The following PAK5 variants were observed in gnomAD, a reference collection of about 807,000 sequenced individuals.
The protein encoded by PAK5 is p21 (RAC1) activated kinase 5.
A neutral mutation model predicts 65.9 loss-of-function variants in PAK5; 16 were observed. The observed-to-expected ratio is 0.24, with a 90% confidence interval of 0.16 to 0.37. PAK5 has a LOEUF of 0.37. Ranked by LOEUF, PAK5 falls within the 10% of genes least tolerant of loss-of-function variation. PAK5 has a pLI of 1.00. For missense variants in PAK5, 785 were observed against 903.9 expected (o/e 0.87, Z 1.69); for synonymous variants, 371 against 354.9 (o/e 1.05, Z -0.51).
At chr20:9,701,898 G>A (rs1430047485) in intron 2 of PAK5, among the ~76,000 whole-genome samples, 1 of 152,030 alleles carries the variant, frequency 6.6e-6, no homozygotes, top group East Asian at 1.9e-4. Flanking sequence ...TACTTGGGAG[G>A]TTGAGATAGG....
chr20:9,712,491 C>T (rs1345147119), intron 1 of PAK5, among the ~76,000 whole-genome samples: 1 of 152,034 alleles, frequency 6.6e-6, no homozygotes, highest in Non-Finnish European at 1.5e-5. Context: ...ATATTAATAA[C>T]ATTCTTTGCA....
At chr20:9,575,915 T>A (rs1416312946) in intron 4 of PAK5, among the ~76,000 whole-genome samples, 1 of 152,148 alleles carries the variant, frequency 6.6e-6, no homozygotes, top group Non-Finnish European at 1.5e-5. Context: ...CTTGGGGAAG[T>A]CCATAAAGAT....
At chr20:9,642,666 G>A (rs1270449721) in intron 3 of PAK5, among the ~76,000 whole-genome samples, 2 of 152,188 alleles carry the variant, frequency 1.3e-5, no homozygotes, top group Non-Finnish European at 2.9e-5. Flanking sequence ...CTCTTAGGGA[G>A]AAAATTATGT....
At chr20:9,580,964 A>T in intron 3 of PAK5, 34 bp from the exon 4 acceptor site, 1 of 1,466,382 alleles carries the variant, frequency 6.8e-7, no homozygotes, top group Non-Finnish European at 9.2e-7. Flanking sequence ...GTTTAAAGAA[A>T]ATATTTCATG....
At chr20:9,788,945 T>G (rs2049021517) in intron 1 of PAK5, among the ~76,000 whole-genome samples, 1 of 152,176 alleles carries the variant, frequency 6.6e-6, no homozygotes, top group Admixed American at 6.6e-5. Flanking sequence ...ACTAAGGCTA[T>G]GCAGGTGAAT....
intron 2 of PAK5, among the ~76,000 whole-genome samples, chr20:9,678,229 CA>C (rs2047601696): frequency 6.6e-6 from 1 of 152,138 alleles, no homozygotes; most frequent in African/African-American, 2.4e-5. Context: ...TTAGAGAGAA[CA>C]AGCTTGAAGA....
chr20:9,572,270 T>C (rs1488067881), intron 4 of PAK5, among the ~76,000 whole-genome samples: 1 of 152,194 alleles, frequency 6.6e-6, no homozygotes, highest in African/African-American at 2.4e-5. Flanking sequence ...AGGAAGAAAG[T>C]GCAAACTTTC....
chr20:9,625,689 C>T (rs1336779340), intron 3 of PAK5, among the ~76,000 whole-genome samples: 3 of 152,206 alleles, frequency 2.0e-5, no homozygotes, highest in Admixed American at 2.0e-4. Context: ...AATGATCCTC[C>T]TGCCTCAGAC....
intron 4 of PAK5, among the ~76,000 whole-genome samples, chr20:9,568,725 G>A (rs1302237044): frequency 3.7e-4 from 56 of 152,190 alleles, no homozygotes; most frequent in Admixed American, 3.6e-3. Context: ...CCAGAGCTTT[G>A]GGAGGCTAAA....
At chr20:9,810,784 T>C (rs2049289507) in intron 1 of PAK5, among the ~76,000 whole-genome samples, 1 of 152,210 alleles carries the variant, frequency 6.6e-6, no homozygotes, top group Non-Finnish European at 1.5e-5. Context: ...CATTTCACCA[T>C]ATCTCACAAA....
intron 3 of PAK5, among the ~76,000 whole-genome samples, chr20:9,606,363 C>A (rs2046454500): frequency 6.6e-6 from 1 of 152,146 alleles, no homozygotes; most frequent in Non-Finnish European, 1.5e-5. Flanking sequence ...GTGCAGCCTG[C>A]AGAGGAGGTG....
At chr20:9,672,616 C>G (rs546219554) in intron 2 of PAK5, among the ~76,000 whole-genome samples, 1 of 152,002 alleles carries the variant, frequency 6.6e-6, no homozygotes, top group East Asian at 1.9e-4. Context: ...GAAGCCTCCT[C>G]GGCCATGTGG....
At chr20:9,705,883 T>G (rs1466163922) in intron 2 of PAK5, among the ~76,000 whole-genome samples, 3 of 152,174 alleles carry the variant, frequency 2.0e-5, no homozygotes, top group Non-Finnish European at 4.4e-5. Context: ...CCATTCTGCC[T>G]CTGAGGAGCT....
intron 3 of PAK5, among the ~76,000 whole-genome samples, chr20:9,612,660 A>G (rs1030655980): frequency 1.3e-5 from 2 of 152,042 alleles, no homozygotes; most frequent in African/African-American, 4.8e-5. Flanking sequence ...ACCTCCCACC[A>G]GGCCCAGGCT....
intron 3 of PAK5, among the ~76,000 whole-genome samples, chr20:9,641,500 C>T (rs1201863003): frequency 1.4e-5 from 2 of 147,122 alleles, no homozygotes; most frequent in African/African-American, 2.5e-5. Context: ...CACGTCCCCA[C>T]CAGACTCAGG....
chr20:9,596,934 A>C (rs1378885499), intron 3 of PAK5, among the ~76,000 whole-genome samples: 1 of 152,190 alleles, frequency 6.6e-6, no homozygotes, highest in Non-Finnish European at 1.5e-5. Flanking sequence ...AATATTCTGA[A>C]TTTCTAACAA....
chr20:9,760,797 G>T (rs1022323332), intron 1 of PAK5, among the ~76,000 whole-genome samples: 1 of 150,244 alleles, frequency 6.7e-6, no homozygotes, highest in Admixed American at 6.7e-5. Flanking sequence ...TCAGCCTCCT[G>T]AGTAGCTGGA....
At position 9,648,472 on chromosome 20, in the gene PAK5, CT is replaced by C. The variant is rs34935319; in HGVS notation, c.-11-4134del. 3.8e-3 allele frequency among the ~76,000 whole-genome samples: 550 copies of C among 143,504 alleles called. 1 individual carries two copies. Among genetic ancestry groups the C allele is most frequent in the East Asian group, 0.013 (62 of 4,864 alleles). 94.1% of individuals were successfully genotyped at this position (143,504 alleles called of 152,430 possible). ...GAAAACAGGGGTTGAACATAAACCTCTTTTTTTTTTTTTGCATAAACAGTTT... is the reference window on the plus strand; with the variant it reads ...GAAAACAGGGGTTGAACATAAACCTCTTTTTTTTTTTTGCATAAACAGTTT... On this transcript the variant is annotated intron_variant, in intron 2 of 9. Transcript: ENST00000353224.
At chr20:9,742,239 G>A (rs1168891363) in intron 1 of PAK5, among the ~76,000 whole-genome samples, 2 of 152,022 alleles carry the variant, frequency 1.3e-5, no homozygotes, top group East Asian at 1.9e-4. Flanking sequence ...GTAAATATCA[G>A]GTGCCAAGTG....
Sources: gnomAD v4.1 joint callset for allele counts (sites outside exome capture counted in the v4.1 genomes callset) on GRCh38, gnomAD v4.1.1 for gene constraint, MANE v1.5 for transcripts, NCBI Gene and HGNC (gene_info 2026-07-23, HGNC 2026-07-21) for gene names.